Variants in KCTD8 observed in about 807,000 individuals in gnomAD.
The protein encoded by KCTD8 is potassium channel tetramerization domain containing 8.
A neutral mutation model predicts 31.5 loss-of-function variants in KCTD8; 27 were observed. The observed-to-expected ratio is 0.86, with a 90% CI of 0.63 to 1.18. The LOEUF (loss-of-function observed/expected upper bound fraction) is 1.18. Among genes scored for constraint, KCTD8 ranks in the 50% most tolerant of loss-of-function variants. The pLI is 0.00. For missense variants in KCTD8, 658 were observed against 647.7 expected (o/e 1.02, Z -0.17); for synonymous variants, 290 against 280.0 (o/e 1.04, Z -0.36).
At chr4:44,401,510 A>G (rs1305603231) in intron 1 of KCTD8, among the ~76,000 whole-genome samples, 1 of 152,174 alleles carries the variant, frequency 6.6e-6, no homozygotes, top group Non-Finnish European at 1.5e-5. Flanking sequence ...GAAAAAGAAC[A>G]ATCAAGTCAT....
chr4:44,289,819 G>T (rs1386250480), intron 1 of KCTD8, among the ~76,000 whole-genome samples: 2 of 152,128 alleles, frequency 1.3e-5, no homozygotes, highest in Non-Finnish European at 2.9e-5. Context: ...CATATCCCAA[G>T]GCTCTCAATC....
chr4:44,276,982 T>C (rs78815505), intron 1 of KCTD8, among the ~76,000 whole-genome samples: 139 of 152,074 alleles, frequency 9.1e-4, no homozygotes, highest in African/African-American at 2.8e-3. Context: ...CTCTGTGACA[T>C]TGGGCAAGAG....
At chr4:44,414,515 G>C (rs1250244407) in intron 1 of KCTD8, among the ~76,000 whole-genome samples, 1 of 152,056 alleles carries the variant, frequency 6.6e-6, no homozygotes, top group Non-Finnish European at 1.5e-5. Flanking sequence ...TAGTTCTCCT[G>C]AGACCATTTA....
chr4:44,282,291 A>T (rs867312485), intron 1 of KCTD8, among the ~76,000 whole-genome samples: 32 of 152,096 alleles, frequency 2.1e-4, no homozygotes, highest in Admixed American at 2.1e-3. Context: ...TATACCTGTT[A>T]TAATGATCTT....
chr4:44,268,174 A>G, intron 1 of KCTD8, among the ~76,000 whole-genome samples: 1 of 152,190 alleles, frequency 6.6e-6, no homozygotes. Context: ...ATCCAGCAAC[A>G]CATCAAAAAG....
rs1052982294 is a variant in KCTD8 at position 44,175,073 on chromosome 4, G to C, written c.1139C>G (p.Thr380Arg). ...QDNPSSAQQA[T>R]AHQPNTLTLD... ...TGTTAAAGTGTTAGGTTGGTGAGCTGTTGCCTGCTGGGCACTGGATGGGTT... is the reference window on the plus strand; with the variant it reads ...TGTTAAAGTGTTAGGTTGGTGAGCTCTTGCCTGCTGGGCACTGGATGGGTT... The change falls in exon 2 of 2, where the codon ACA becomes AGA. Residue 380 changes from threonine (T) to arginine (R), a missense_variant. Thr to Arg is a moderately conservative substitution (Grantham distance 71). Coordinates refer to ENST00000360029, the MANE Select transcript of KCTD8 (RefSeq NM_198353.3). 9.3e-6 allele frequency: 15 copies of C among 1,613,946 alleles called. No homozygotes were observed. The African/African-American group carries it at 2.0e-4, about 22-fold the overall frequency.
At chr4:44,309,437 T>C (rs1666682657) in intron 1 of KCTD8, among the ~76,000 whole-genome samples, 1 of 152,194 alleles carries the variant, frequency 6.6e-6, no homozygotes, top group Non-Finnish European at 1.5e-5. Flanking sequence ...AAAAGTAATA[T>C]TTTACAGAAT....
At chr4:44,354,191 G>C (rs1020050522) in intron 1 of KCTD8, among the ~76,000 whole-genome samples, 2 of 151,950 alleles carry the variant, frequency 1.3e-5, no homozygotes, top group Non-Finnish European at 2.9e-5. Context: ...TCAGCTTCCA[G>C]CTTAAACATA....
intron 1 of KCTD8, among the ~76,000 whole-genome samples, chr4:44,407,233 T>C (rs958046962): frequency 6.6e-6 from 1 of 152,156 alleles, no homozygotes. Context: ...CTGAAGACAC[T>C]GCCTTCAAAA....
At chr4:44,229,816 A>ATT (rs1011439094) in intron 1 of KCTD8, among the ~76,000 whole-genome samples, 1 of 145,032 alleles carries the variant, frequency 6.9e-6, no homozygotes, top group African/African-American at 2.5e-5. Flanking sequence ...TGCCTTAAGG[A>ATT]TTTTTTTTTC....
chr4:44,226,003 T>G (rs1398636884), intron 1 of KCTD8, among the ~76,000 whole-genome samples: 1 of 151,932 alleles, frequency 6.6e-6, no homozygotes. Flanking sequence ...TGTTTTTTTG[T>G]ATTTTTAGTA....
At chr4:44,418,485 GC>G (rs1303657946) in intron 1 of KCTD8, among the ~76,000 whole-genome samples, 1 of 152,072 alleles carries the variant, frequency 6.6e-6, no homozygotes, top group Non-Finnish European at 1.5e-5. Flanking sequence ...TGTTTTGTAT[GC>G]CTATACTTAA....
chr4:44,206,693 T>G (rs1312288250), intron 1 of KCTD8, among the ~76,000 whole-genome samples: 1 of 152,194 alleles, frequency 6.6e-6, no homozygotes, highest in East Asian at 1.9e-4. Context: ...AAGCTTCTAT[T>G]TAGAAGGAAT....
chr4:44,393,547 G>T (rs931698858), intron 1 of KCTD8, among the ~76,000 whole-genome samples: 8 of 149,868 alleles, frequency 5.3e-5, no homozygotes, highest in Non-Finnish European at 1.2e-4. Flanking sequence ...TGAAAAAGAG[G>T]TCTACTACCT....
intron 1 of KCTD8, among the ~76,000 whole-genome samples, chr4:44,427,693 C>CA (rs1011579474): frequency 6.6e-6 from 1 of 151,362 alleles, no homozygotes; most frequent in Middle Eastern, 3.2e-3. Flanking sequence ...ATAATATTAA[C>CA]AAAAAATAGA....
At chr4:44,340,499 TG>T (rs1718869027) in intron 1 of KCTD8, among the ~76,000 whole-genome samples, 5 of 150,400 alleles carry the variant, frequency 3.3e-5, no homozygotes, top group Admixed American at 2.0e-4. Context: ...TAGTAGAGAC[TG>T]GGTTTCACCG....
intron 1 of KCTD8, among the ~76,000 whole-genome samples, chr4:44,266,967 C>A (rs1047904052): frequency 1.3e-5 from 2 of 152,062 alleles, no homozygotes; most frequent in South Asian, 2.1e-4. Context: ...ACCCCACTGT[C>A]AACATTAGAC....
intron 1 of KCTD8, among the ~76,000 whole-genome samples, chr4:44,382,385 T>G (rs1720090943): frequency 6.6e-6 from 1 of 151,958 alleles, no homozygotes; most frequent in African/African-American, 2.4e-5. Context: ...CAAACCCATG[T>G]TTAACATCAT....
chr4:44,432,100 C>A (rs190992888), intron 1 of KCTD8, among the ~76,000 whole-genome samples: 3 of 151,134 alleles, frequency 2.0e-5, no homozygotes, highest in Admixed American at 6.6e-5. Flanking sequence ...TTTATTGGAG[C>A]CAGTATTTTA....
Sources: allele counts gnomAD v4.1 joint callset (sites outside exome capture counted in the v4.1 genomes callset), GRCh38; gene constraint gnomAD v4.1.1; transcripts MANE v1.5; gene names NCBI Gene and HGNC (gene_info 2026-07-23, HGNC 2026-07-21).